TAFA2: variants seen among roughly 807,000 people sequenced by gnomAD.
The protein encoded by TAFA2 is TAFA chemokine like family member 2.
A neutral mutation model predicts 18.8 loss-of-function variants in TAFA2; 7 were observed. That is an observed-to-expected ratio of 0.37 (90% CI 0.21 to 0.70). The LOEUF (loss-of-function observed/expected upper bound fraction) is 0.70. TAFA2 is among the 30% of genes least tolerant of loss of function. The probability of loss-of-function intolerance (pLI) is 0.53; values close to 1 mark genes in which losing one functional copy is unlikely to be tolerated. For synonymous variants in TAFA2, 60 were observed against 54.2 expected, an observed-to-expected ratio of 1.11 and a Z score of -0.47; for missense variants, 122 against 158.1, an observed-to-expected ratio of 0.77 and a Z score of 1.23.
intron 4 of TAFA2, among the ~76,000 whole-genome samples, chr12:61,748,741 C>T (rs944873477): frequency 6.6e-6 from 1 of 152,052 alleles, no homozygotes; most frequent in Non-Finnish European, 1.5e-5. Context: ...TAATACTTAT[C>T]TATCTTCTGA....
At chr12:61,835,354 A>G (rs1047010055) in intron 2 of TAFA2, among the ~76,000 whole-genome samples, 8 of 151,938 alleles carry the variant, frequency 5.3e-5, no homozygotes, top group African/African-American at 1.9e-4. Flanking sequence ...TCTTTGAAAA[A>G]GATATTTTGG....
chr12:62,232,848 G>A (rs531405345), intron 1 of TAFA2, among the ~76,000 whole-genome samples: 1 of 152,124 alleles, frequency 6.6e-6, no homozygotes, highest in East Asian at 1.9e-4. Context: ...CCTACTTTGG[G>A]TGATACTAGG....
chr12:62,240,363 G>T (rs913198970), intron 1 of TAFA2, among the ~76,000 whole-genome samples: 4 of 151,532 alleles, frequency 2.6e-5, no homozygotes, highest in Non-Finnish European at 5.9e-5. Flanking sequence ...AGATTGCAGT[G>T]AGCCGAGATA....
intron 1 of TAFA2, among the ~76,000 whole-genome samples, chr12:62,239,180 C>A (rs373665506): frequency 6.6e-6 from 1 of 152,062 alleles, no homozygotes; most frequent in African/African-American, 2.4e-5. Flanking sequence ...AAATTTAGCT[C>A]TTTCTTTAGG....
chr12:61,957,605 G>A (rs1310784744), intron 1 of TAFA2, among the ~76,000 whole-genome samples: 3 of 152,032 alleles, frequency 2.0e-5, no homozygotes, highest in Admixed American at 6.6e-5. Context: ...GGACTGAGCA[G>A]GCCAAAGACA....
Position 61,991,109 on chromosome 12 carries a change from G to A in TAFA2, c.-1-123683C>T, listed in dbSNP as rs76134183. 2.8e-3 allele frequency among the ~76,000 whole-genome samples: 433 copies of A among 152,244 alleles called. 4 individuals are homozygous for A. The highest frequency in any genetic ancestry group is 0.015 in the East Asian group (77 of 5,174). On this transcript the variant is annotated intron_variant, in intron 1 of 4. Coordinates refer to ENST00000416284, the MANE Select transcript of TAFA2 (RefSeq NM_178539.5). ...CTCTTTTCTGGAACCAGGTTGTCTG[G>A]GTTTAATTACTTGCTCTAGCATTTA... is the stretch of plus-strand genomic sequence containing the variant.
intron 1 of TAFA2, among the ~76,000 whole-genome samples, chr12:61,977,364 TA>T (rs1001550030): frequency 2.6e-5 from 4 of 152,164 alleles, no homozygotes; most frequent in South Asian, 4.1e-4. Context: ...CCTTTCCTGA[TA>T]GTCTATGCTT....
At chr12:62,236,184 A>G (rs1395781520) in intron 1 of TAFA2, among the ~76,000 whole-genome samples, 4 of 151,952 alleles carry the variant, frequency 2.6e-5, no homozygotes, top group African/African-American at 9.7e-5. Context: ...GTATACCATA[A>G]TTACAGTACT....
chr12:62,230,049 G>C (rs1424831052), intron 1 of TAFA2, among the ~76,000 whole-genome samples: 1 of 151,896 alleles, frequency 6.6e-6, no homozygotes, highest in Non-Finnish European at 1.5e-5. Flanking sequence ...ATGATCCTTT[G>C]CATTTCTGTG....
intron 1 of TAFA2, among the ~76,000 whole-genome samples, chr12:61,868,720 T>G (rs931173198): frequency 1.3e-5 from 2 of 152,146 alleles, no homozygotes; most frequent in African/African-American, 4.8e-5. Flanking sequence ...TTATGTATTT[T>G]AATACAGATA....
chr12:61,729,505 A>T (rs936229021), intron 4 of TAFA2, among the ~76,000 whole-genome samples: 1 of 151,742 alleles, frequency 6.6e-6, no homozygotes, highest in Admixed American at 6.6e-5. Flanking sequence ...TACTTGTTCA[A>T]TTCTATTGTT....
intron 1 of TAFA2, among the ~76,000 whole-genome samples, chr12:61,884,566 C>A (rs1875289641): frequency 6.6e-6 from 1 of 152,040 alleles, no homozygotes; most frequent in Non-Finnish European, 1.5e-5. Context: ...TATCGTTAAT[C>A]CAGCTATCTT....
intron 1 of TAFA2, among the ~76,000 whole-genome samples, chr12:62,239,541 G>C (rs1441072800): frequency 6.6e-6 from 1 of 152,158 alleles, no homozygotes; most frequent in Non-Finnish European, 1.5e-5. Context: ...AGCAGGGTAG[G>C]AGTGATGCTA....
At chr12:61,917,849 C>T (rs1876889276) in intron 1 of TAFA2, among the ~76,000 whole-genome samples, 1 of 152,152 alleles carries the variant, frequency 6.6e-6, no homozygotes, top group Admixed American at 6.5e-5. Context: ...AGCCTAACCC[C>T]ATGAAACAGA....
chr12:62,136,778 A>G (rs1489859548), intron 1 of TAFA2, among the ~76,000 whole-genome samples: 2 of 152,130 alleles, frequency 1.3e-5, no homozygotes, highest in African/African-American at 2.4e-5. Context: ...GCATGCAGAG[A>G]GTGGTATTTA....
intron 1 of TAFA2, among the ~76,000 whole-genome samples, chr12:61,951,333 C>T (rs1878460193): frequency 6.6e-6 from 1 of 152,020 alleles, no homozygotes; most frequent in Non-Finnish European, 1.5e-5. Flanking sequence ...TTTTGTAAAA[C>T]AAAATGGTTA....
At chr12:61,762,894 A>G (rs186599805) in intron 2 of TAFA2, among the ~76,000 whole-genome samples, 107 of 152,100 alleles carry the variant, frequency 7.0e-4, no homozygotes, top group Middle Eastern at 6.8e-3. Context: ...TGGAGAATCT[A>G]TATTGTACCT....
At chr12:62,132,093 A>T (rs1870711099) in intron 1 of TAFA2, among the ~76,000 whole-genome samples, 1 of 151,948 alleles carries the variant, frequency 6.6e-6, no homozygotes, top group African/African-American at 2.4e-5. Flanking sequence ...AAAGAATTTA[A>T]AATCTACATT....
At chr12:62,066,235 GATAA>G (rs1444143853) in intron 1 of TAFA2, among the ~76,000 whole-genome samples, 2 of 151,592 alleles carry the variant, frequency 1.3e-5, no homozygotes, top group African/African-American at 2.4e-5. Flanking sequence ...ATCACATTCA[GATAA>G]ATAGAGTATC....
Sources: gnomAD v4.1 joint callset for allele counts (sites outside exome capture counted in the v4.1 genomes callset) on GRCh38, gnomAD v4.1.1 for gene constraint, MANE v1.5 for transcripts, NCBI Gene and HGNC (gene_info 2026-07-23, HGNC 2026-07-21) for gene names.